Variants in TENM2 observed in about 807,000 individuals in gnomAD.
The protein encoded by TENM2 is teneurin-2.
In TENM2, 52 loss-of-function variants were observed where a neutral mutation model predicts 245.2. The observed-to-expected ratio is 0.21, with a 90% CI of 0.17 to 0.27. The LOEUF is 0.27. TENM2 is among the 10% of genes least tolerant of loss of function. TENM2 has a pLI of 1.00. For synonymous variants in TENM2, 1,363 were observed against 1,438.9 expected, an observed-to-expected ratio of 0.95 and a Z score of 1.19; for missense variants, 3,046 against 3,666.8, an observed-to-expected ratio of 0.83 and a Z score of 4.37.
At chr5:168,055,752 G>A (rs929456212) in intron 6 of TENM2, among the ~76,000 whole-genome samples, 4 of 152,140 alleles carry the variant, frequency 2.6e-5, no homozygotes, top group African/African-American at 9.7e-5. Context: ...GAAGGACGTA[G>A]AGCACCTACA....
chr5:167,654,364 A>G (rs960231646), intron 2 of TENM2, among the ~76,000 whole-genome samples: 3 of 152,116 alleles, frequency 2.0e-5, no homozygotes, highest in Non-Finnish European at 4.4e-5. Context: ...AGAAGCACTC[A>G]CTTCCAGGTG....
At chr5:167,967,622 TAAA>T (rs1036279073) in intron 4 of TENM2, among the ~76,000 whole-genome samples, 1 of 151,798 alleles carries the variant, frequency 6.6e-6, no homozygotes, top group Non-Finnish European at 1.5e-5. Context: ...AGAAAGAACT[TAAA>T]AAAAAGAAAA....
In TENM2 at chr5:167,391,647, A is replaced by AAAAAAAAAAAAAAAAAAAAAAAAT. The variant is rs70976420; in HGVS notation, c.502+16174_502+16175insAAAAAAAAAAAAAAAAAAAAAAAT. ...CAAAAAAAAAAAAAAAAAAAAAAAA[A>AAAAAAAAAAAAAAAAAAAAAAAAT]GCACTCTCAAGGATTTCTAACTTTA... On this transcript the variant is annotated intron_variant, in intron 2 of 28. Coordinates refer to ENST00000518659, the Ensembl canonical transcript of TENM2. Among the ~76,000 whole-genome samples the AAAAAAAAAAAAAAAAAAAAAAAAT allele has an allele frequency of 2.4e-5, 3 of 126,838 alleles. 1 individual carries two copies. Among genetic ancestry groups the AAAAAAAAAAAAAAAAAAAAAAAAT allele is most frequent in the Non-Finnish European group, 1.6e-5 (1 of 63,646 alleles). 83.2% of individuals were successfully genotyped at this position (126,838 alleles called of 152,430 possible).
the TENM2 span, among the ~76,000 whole-genome samples, chr5:167,039,891 A>C: frequency 5.9e-5 from 9 of 152,202 alleles, no homozygotes; most frequent in East Asian, 1.7e-3. Context: ...TGTTCCACAA[A>C]TATACATTCT....
the TENM2 span, among the ~76,000 whole-genome samples, chr5:167,268,873 C>CATACATAG: frequency 1.0e-4 from 14 of 139,596 alleles, no homozygotes; most frequent in East Asian, 2.4e-3. Context: ...CCAAAAGATA[C>CATACATAG]ATAGATAGAT....
chr5:167,346,750 T>G (rs78274392), intron 1 of TENM2, among the ~76,000 whole-genome samples: 1,667 of 151,880 alleles, frequency 0.011, 15 homozygotes, highest in Non-Finnish European at 0.018. Flanking sequence ...TATTGGCATT[T>G]GTGCCAGTTC....
At chr5:167,189,450 G>T in the TENM2 span, among the ~76,000 whole-genome samples, 1 of 151,964 alleles carries the variant, frequency 6.6e-6, no homozygotes, top group Admixed American at 6.6e-5. Context: ...TAAACAGTAT[G>T]TTTCTTTTTT....
chr5:167,831,619 C>T (rs1430371210), intron 2 of TENM2, among the ~76,000 whole-genome samples: 2 of 151,532 alleles, frequency 1.3e-5, no homozygotes, highest in Admixed American at 1.3e-4. Flanking sequence ...AATCTTTCTC[C>T]TTTCTTTTAT....
chr5:167,419,696 A>G (rs964558387), intron 2 of TENM2, among the ~76,000 whole-genome samples: 2 of 152,204 alleles, frequency 1.3e-5, no homozygotes, highest in African/African-American at 2.4e-5. Flanking sequence ...CCTAAGTTAC[A>G]ATTCTGGATT....
chr5:168,008,449 T>C lies in TENM2; in HGVS notation c.1186+15267T>C, dbSNP rs562753069. Among the ~76,000 whole-genome samples the C allele has an allele frequency of 5.8e-4, 88 of 152,310 alleles. 1 individual carries two copies. The highest frequency in any genetic ancestry group is 3.4e-3 in the Middle Eastern group (1 of 292). On this transcript the variant is annotated intron_variant, in intron 5 of 28. Coordinates refer to ENST00000518659, the Ensembl canonical transcript of TENM2. Reference sequence around the variant, plus strand: ...ATGATAAAATTATGACATGATATCATGTCAGTTACCTAGTAGATGCTCCAT... The same window carrying C: ...ATGATAAAATTATGACATGATATCACGTCAGTTACCTAGTAGATGCTCCAT...
At chr5:167,798,599 G>A (rs185085644) in intron 2 of TENM2, among the ~76,000 whole-genome samples, 2 of 152,318 alleles carry the variant, frequency 1.3e-5, no homozygotes, top group East Asian at 3.9e-4. Context: ...ACTCAAAGGA[G>A]TAAGACAGAG....
chr5:168,045,234 TC>T (rs1256171804), intron 5 of TENM2, among the ~76,000 whole-genome samples: 2 of 152,062 alleles, frequency 1.3e-5, no homozygotes, highest in Non-Finnish European at 2.9e-5. Context: ...TTCCACCTCA[TC>T]TGTAGTTTTC....
chr5:167,705,004 T>G (rs1045911286), intron 2 of TENM2, among the ~76,000 whole-genome samples: 4 of 152,182 alleles, frequency 2.6e-5, no homozygotes, highest in Non-Finnish European at 4.4e-5. Flanking sequence ...TTGAATACTT[T>G]GAAGTTGGTA....
At chr5:167,543,267 A>T (rs533475762) in intron 2 of TENM2, among the ~76,000 whole-genome samples, 2 of 152,272 alleles carry the variant, frequency 1.3e-5, no homozygotes, top group South Asian at 2.1e-4. Flanking sequence ...AGATGTTGAG[A>T]TGCCTCTTGA....
At chr5:167,561,781 T>C (rs143102543) in intron 2 of TENM2, among the ~76,000 whole-genome samples, 54 of 152,308 alleles carry the variant, frequency 3.5e-4, no homozygotes, top group African/African-American at 1.2e-3. Context: ...TTACATCTTT[T>C]GTAATTAAGC....
chr5:167,796,680 G>A (rs1483996035), intron 2 of TENM2, among the ~76,000 whole-genome samples: 1 of 152,056 alleles, frequency 6.6e-6, no homozygotes, highest in African/African-American at 2.4e-5. Context: ...CTGTAGAGTT[G>A]GGAGTGGCTC....
At chr5:167,213,450 G>A in the TENM2 span, among the ~76,000 whole-genome samples, 3 of 152,182 alleles carry the variant, frequency 2.0e-5, no homozygotes, top group East Asian at 1.9e-4. Flanking sequence ...AATTCCATTC[G>A]TAAGCACTCT....
intron 1 of TENM2, among the ~76,000 whole-genome samples, chr5:167,332,857 A>G (rs964187806): frequency 3.3e-5 from 5 of 152,170 alleles, no homozygotes; most frequent in Admixed American, 3.3e-4. Context: ...TTCTATAGAG[A>G]CACACTTATC....
intron 2 of TENM2, among the ~76,000 whole-genome samples, chr5:167,439,578 A>G (rs1052437560): frequency 6.6e-6 from 1 of 152,242 alleles, no homozygotes; most frequent in African/African-American, 2.4e-5. Context: ...GGATATATGC[A>G]GTGTATTATT....
Sources: gnomAD v4.1 joint callset for allele counts (sites outside exome capture counted in the v4.1 genomes callset) on GRCh38, gnomAD v4.1.1 for gene constraint, MANE v1.5 for transcripts, NCBI Gene and HGNC (gene_info 2026-07-23, HGNC 2026-07-21) for gene names.